CCSER1: variants seen among roughly 807,000 people sequenced by gnomAD.
CCSER1 encodes the protein serine-rich coiled-coil domain-containing protein 1.
A neutral mutation model predicts 82.0 loss-of-function variants in CCSER1; 41 were observed. That is an observed-to-expected ratio of 0.50 (90% CI 0.39 to 0.65). The LOEUF (loss-of-function observed/expected upper bound fraction) is 0.65. Among genes scored for constraint, CCSER1 ranks in the 30% least tolerant of loss-of-function variants. The pLI, the probability that CCSER1 is intolerant of heterozygous loss-of-function variation, is 0.00. For missense variants in CCSER1, 1,119 were observed against 1,064.2 expected, an observed-to-expected ratio of 1.05 and a Z score of -0.72; for synonymous variants, 414 against 383.9, an observed-to-expected ratio of 1.08 and a Z score of -0.92.
At chr4:90,360,855 TA>T (rs1745263673) in intron 3 of CCSER1, among the ~76,000 whole-genome samples, 1 of 152,212 alleles carries the variant, frequency 6.6e-6, no homozygotes, top group Non-Finnish European at 1.5e-5. Context: ...CCTTCTGATA[TA>T]AATTAGACAT....
At chr4:90,843,235 G>GA (rs5860205) in intron 8 of CCSER1, among the ~76,000 whole-genome samples, 84,653 of 149,820 alleles carry the variant, frequency 0.57, 24,204 homozygotes, top group Non-Finnish European at 0.63. Flanking sequence ...ATGAGTCAGT[G>GA]AAAAAAAAAA....
chr4:90,956,823 G>A (rs1733487302), intron 9 of CCSER1, among the ~76,000 whole-genome samples: 1 of 149,432 alleles, frequency 6.7e-6, no homozygotes, highest in Non-Finnish European at 1.5e-5. Context: ...CCAGGCTGGA[G>A]TGCAGTGGCC....
chr4:90,741,506 T>A (rs1398697830), intron 7 of CCSER1, among the ~76,000 whole-genome samples: 1 of 152,210 alleles, frequency 6.6e-6, no homozygotes, highest in Non-Finnish European at 1.5e-5. Flanking sequence ...ACGTGATATA[T>A]ACATCAGATA....
At chr4:90,129,909 C>T (rs1722520724) in intron 1 of CCSER1, among the ~76,000 whole-genome samples, 1 of 152,116 alleles carries the variant, frequency 6.6e-6, no homozygotes, top group Non-Finnish European at 1.5e-5. Context: ...ACTATTTGAA[C>T]ATAGATATAA....
chr4:90,151,320 TTTC>T (rs1302817506), intron 1 of CCSER1, among the ~76,000 whole-genome samples: 1 of 152,082 alleles, frequency 6.6e-6, no homozygotes, highest in African/African-American at 2.4e-5. Flanking sequence ...TGATATATGG[TTTC>T]TTCATAAAGA....
intron 10 of CCSER1, among the ~76,000 whole-genome samples, chr4:91,363,382 TGTGTGTGTGA>T (rs1352544688): frequency 2.3e-4 from 35 of 151,242 alleles, no homozygotes; most frequent in Admixed American, 8.6e-4. Context: ...TGTGTGTGTG[TGTGTGTGTGA>T]GACAAAAATA....
chr4:90,628,995 G>A (rs1324156346), intron 6 of CCSER1, among the ~76,000 whole-genome samples: 1 of 152,048 alleles, frequency 6.6e-6, no homozygotes, highest in South Asian at 2.1e-4. Context: ...CAGGGCAACA[G>A]CCTGAAATTT....
chr4:91,175,593 ATG>A (rs1267087043), intron 10 of CCSER1, among the ~76,000 whole-genome samples: 1 of 152,016 alleles, frequency 6.6e-6, no homozygotes, highest in Non-Finnish European at 1.5e-5. Flanking sequence ...GCATTTTTTC[ATG>A]TGTCTGTTGG....
chr4:90,484,249 T>C (rs1232188603), intron 5 of CCSER1, among the ~76,000 whole-genome samples: 1 of 152,172 alleles, frequency 6.6e-6, no homozygotes, highest in Admixed American at 6.5e-5. Context: ...TTCTCTGTGT[T>C]TGTTATTCTA....
chr4:90,757,663 C>A (rs1749748608), intron 7 of CCSER1, among the ~76,000 whole-genome samples: 1 of 152,126 alleles, frequency 6.6e-6, no homozygotes. Context: ...CTGAAGAGTC[C>A]ACATCAAGTT....
At chr4:90,503,821 A>G (rs954638662) in intron 5 of CCSER1, among the ~76,000 whole-genome samples, 1 of 152,116 alleles carries the variant, frequency 6.6e-6, no homozygotes, top group Non-Finnish European at 1.5e-5. Flanking sequence ...ATTTAATTAT[A>G]TATAATTTTT....
intron 9 of CCSER1, among the ~76,000 whole-genome samples, chr4:90,998,960 C>A (rs994401255): frequency 6.6e-6 from 1 of 152,068 alleles, no homozygotes; most frequent in Non-Finnish European, 1.5e-5. Context: ...TGTCTAGCTC[C>A]CACTTATAAG....
At chr4:91,152,944 T>C (rs969375438) in intron 10 of CCSER1, among the ~76,000 whole-genome samples, 1 of 151,988 alleles carries the variant, frequency 6.6e-6, no homozygotes, top group Admixed American at 6.5e-5. Flanking sequence ...GCCCTCAACA[T>C]TTTTTCCTTC....
chr4:91,165,614 T>G (rs1045221813), intron 10 of CCSER1, among the ~76,000 whole-genome samples: 1 of 152,204 alleles, frequency 6.6e-6, no homozygotes, highest in Non-Finnish European at 1.5e-5. Flanking sequence ...CTGCTTTGTT[T>G]ACCTACTCAA....
At chr4:90,930,937 TATAC>T (rs1266864193) in intron 9 of CCSER1, among the ~76,000 whole-genome samples, 1 of 134,712 alleles carries the variant, frequency 7.4e-6, no homozygotes, top group South Asian at 2.3e-4. Context: ...TATATATATA[TATAC>T]ACATGACATA....
intron 5 of CCSER1, among the ~76,000 whole-genome samples, chr4:90,476,635 G>A (rs2153594579): frequency 6.6e-6 from 1 of 152,204 alleles, no homozygotes; most frequent in Non-Finnish European, 1.5e-5. Flanking sequence ...ACTAAAGAAG[G>A]TTTTCAAACG....
chr4:90,493,971 A>C (rs1409838159), intron 5 of CCSER1, among the ~76,000 whole-genome samples: 1 of 152,072 alleles, frequency 6.6e-6, no homozygotes, highest in Admixed American at 6.5e-5. Context: ...ACAGACTGGC[A>C]ATTGGATAAA....
At chr4:90,809,461 T>C (rs11097270) in intron 7 of CCSER1, among the ~76,000 whole-genome samples, 51,716 of 151,928 alleles carry the variant, frequency 0.34, 9,015 homozygotes, top group East Asian at 0.42. Context: ...CCCATGTTCT[T>C]ATTTATAAGT....
chr4:91,077,592 C>A (rs545717265), intron 9 of CCSER1, among the ~76,000 whole-genome samples: 1 of 152,172 alleles, frequency 6.6e-6, no homozygotes, highest in African/African-American at 2.4e-5. Flanking sequence ...GTACCAGGTT[C>A]ATCTCACTGG....
Sources: gnomAD v4.1 joint callset for allele counts (sites outside exome capture counted in the v4.1 genomes callset) on GRCh38, gnomAD v4.1.1 for gene constraint, MANE v1.5 for transcripts, NCBI Gene and HGNC (gene_info 2026-07-23, HGNC 2026-07-21) for gene names.